Variants in DOCK4 observed in about 807,000 individuals in gnomAD.
DOCK4 encodes dedicator of cytokinesis 4, also known as dedicator of cytokinesis protein 4.
DOCK4 carries 97 observed loss-of-function variants against 268.1 expected under a neutral mutation model. The observed-to-expected ratio is 0.36, with a 90% CI of 0.31 to 0.43. DOCK4 has a LOEUF of 0.43. DOCK4 is among the 20% of genes least tolerant of loss of function. The pLI is 1.00. For synonymous variants in DOCK4, 954 were observed against 887.2 expected, an observed-to-expected ratio of 1.08 and a Z score of -1.34; for missense variants, 2,145 against 2,455.7, an observed-to-expected ratio of 0.87 and a Z score of 2.67.
chr7:112,064,364 A>C (rs1232629653), intron 1 of DOCK4, among the ~76,000 whole-genome samples: 1 of 152,222 alleles, frequency 6.6e-6, no homozygotes, highest in African/African-American at 2.4e-5. Context: ...TACTGTCTGC[A>C]TCAAAGGACC....
At chr7:111,779,082 A>C (rs1180454065) in intron 35 of DOCK4, among the ~76,000 whole-genome samples, 1 of 151,878 alleles carries the variant, frequency 6.6e-6, no homozygotes, top group Non-Finnish European at 1.5e-5. Flanking sequence ...TCTCTAAAAA[A>C]AAAAAATAAA....
At chr7:112,205,730 G>T (rs1480811477) in intron 1 of DOCK4, among the ~76,000 whole-genome samples, 1 of 151,854 alleles carries the variant, frequency 6.6e-6, no homozygotes. Flanking sequence ...GGGAAGAAGG[G>T]TAAGGAAGGA....
chr7:111,926,437 A>T (rs1190041607), intron 12 of DOCK4, among the ~76,000 whole-genome samples: 1 of 146,176 alleles, frequency 6.8e-6, no homozygotes, highest in Non-Finnish European at 1.5e-5. Context: ...AAAAAGAAAG[A>T]CAGAGAGAGA....
chr7:112,128,278 G>A (rs1268717391), intron 1 of DOCK4, among the ~76,000 whole-genome samples: 11 of 151,514 alleles, frequency 7.3e-5, no homozygotes, highest in Non-Finnish European at 1.2e-4. Context: ...CAGCCGCCCC[G>A]TCCGGGAGGG....
intron 1 of DOCK4, among the ~76,000 whole-genome samples, chr7:112,129,228 A>G (rs1813571606): frequency 6.6e-6 from 1 of 152,244 alleles, no homozygotes; most frequent in African/African-American, 2.4e-5. Context: ...AAAAGGAGTG[A>G]ACTATTTATA....
chr7:112,037,102 G>A (rs1438576626), intron 1 of DOCK4, among the ~76,000 whole-genome samples: 1 of 152,170 alleles, frequency 6.6e-6, no homozygotes, highest in Non-Finnish European at 1.5e-5. Context: ...GTGGAGGCAA[G>A]CCATTCTGTT....
At chr7:111,922,536 A>G (rs1328831243) in intron 12 of DOCK4, among the ~76,000 whole-genome samples, 1 of 151,942 alleles carries the variant, frequency 6.6e-6, no homozygotes, top group Non-Finnish European at 1.5e-5. Context: ...CCTGACATTT[A>G]CTATTCTCTT....
intron 39 of DOCK4, among the ~76,000 whole-genome samples, chr7:111,764,788 A>C (rs1364194593): frequency 6.6e-6 from 1 of 152,052 alleles, no homozygotes; most frequent in Admixed American, 6.6e-5. Context: ...TGCAACTCCA[A>C]GCCTCCTGCA....
At chr7:111,907,738 AT>A (rs1203376328) in intron 13 of DOCK4, among the ~76,000 whole-genome samples, 1 of 152,132 alleles carries the variant, frequency 6.6e-6, no homozygotes, top group African/African-American at 2.4e-5. Context: ...ATATATATCA[AT>A]GTATATTTTG....
At chr7:111,760,079 C>G in intron 40 of DOCK4, 102 bp downstream of exon 40, 15 of 1,418,164 alleles carry the variant, frequency 1.1e-5, no homozygotes, top group African/African-American at 1.4e-5. Context: ...AACGATGTGG[C>G]TATTGAAAAG....
chr7:112,118,346 A>G (rs1393760729), intron 1 of DOCK4, among the ~76,000 whole-genome samples: 1 of 152,206 alleles, frequency 6.6e-6, no homozygotes, highest in African/African-American at 2.4e-5. Flanking sequence ...ACTTAACAAG[A>G]TTTAATTGAA....
chr7:111,754,371 G>A (rs1432196927), intron 42 of DOCK4, among the ~76,000 whole-genome samples: 3 of 152,200 alleles, frequency 2.0e-5, no homozygotes, highest in African/African-American at 7.2e-5. Flanking sequence ...TTTCAGGTAA[G>A]ACAAACAATT....
In DOCK4 at chr7:111,886,319, T is replaced by C. The variant is rs976681836; in HGVS notation, c.1588-9133A>G. Among the ~76,000 whole-genome samples, 6 of 152,232 alleles carry C rather than the reference T, an allele frequency of 3.9e-5. No individual in the cohort carries two copies. The East Asian group carries it at 1.2e-3, about 29-fold the overall frequency. On this transcript the variant is annotated intron_variant, in intron 16 of 52. Coordinates refer to ENST00000428084, the MANE Select transcript of DOCK4 (RefSeq NM_001363540.2). ...TTTCAAAATGAGTAGTCATCCTTTATGTCATTATTAAAAATTTATTAAATT... is the reference window on the plus strand; with the variant it reads ...TTTCAAAATGAGTAGTCATCCTTTACGTCATTATTAAAAATTTATTAAATT...
chr7:111,742,261 G>T, intron 44 of DOCK4, 129 bp from the exon 45 acceptor site: 1 of 1,008,068 alleles, frequency 9.9e-7, no homozygotes, highest in Non-Finnish European at 1.3e-6. Context: ...TGACAAGGTA[G>T]GAACAGCTGT....
intron 7 of DOCK4, among the ~76,000 whole-genome samples, chr7:111,979,321 A>C (rs1798434785): frequency 6.6e-6 from 1 of 152,166 alleles, no homozygotes; most frequent in Non-Finnish European, 1.5e-5. Context: ...AAAAGTGGAG[A>C]GTAAGTAAGT....
At chr7:112,180,081 T>G (rs1424030927) in intron 1 of DOCK4, among the ~76,000 whole-genome samples, 1 of 148,716 alleles carries the variant, frequency 6.7e-6, no homozygotes, top group Non-Finnish European at 1.5e-5. Context: ...AACTAAAAAT[T>G]AATAGCTTCA....
At chr7:112,009,103 T>C (rs1206879131) in intron 1 of DOCK4, among the ~76,000 whole-genome samples, 2 of 152,260 alleles carry the variant, frequency 1.3e-5, no homozygotes, top group Non-Finnish European at 2.9e-5. Context: ...AAAATGATTC[T>C]ACTTGGCACA....
intron 12 of DOCK4, among the ~76,000 whole-genome samples, chr7:111,932,219 T>C (rs1202904733): frequency 2.6e-5 from 4 of 152,122 alleles, no homozygotes; most frequent in South Asian, 2.1e-4. Context: ...GACTGGGAGA[T>C]GAAAAGGAGT....
At chr7:111,950,393 A>G (rs1795963605) in intron 8 of DOCK4, among the ~76,000 whole-genome samples, 1 of 152,260 alleles carries the variant, frequency 6.6e-6, no homozygotes, top group Non-Finnish European at 1.5e-5. Flanking sequence ...AACTTAAAAA[A>G]TGTCCTTCCA....
Sources: allele counts gnomAD v4.1 joint callset (sites outside exome capture counted in the v4.1 genomes callset), GRCh38; gene constraint gnomAD v4.1.1; transcripts MANE v1.5; gene names NCBI Gene and HGNC (gene_info 2026-07-23, HGNC 2026-07-21).